The following CSTPP1 variants were observed in gnomAD, a reference collection of about 807,000 sequenced individuals.
CSTPP1 encodes the protein centriolar satellite-associated tubulin polyglutamylase complex regulator 1, also known as UPF0705 protein C11orf49.
At chr11:47,163,042 GCTTGCAC>G in the CSTPP1 span, among the ~76,000 whole-genome samples, 1 of 152,022 alleles carries the variant, frequency 6.6e-6, no homozygotes, top group Non-Finnish European at 1.5e-5. Flanking sequence ...AGGCATGGTA[GCTTGCAC>G]CTGTAGTCCC....
At chr11:47,046,963 C>T in the CSTPP1 span, among the ~76,000 whole-genome samples, 25 of 149,446 alleles carry the variant, frequency 1.7e-4, no homozygotes, top group African/African-American at 5.9e-4. Flanking sequence ...TGCAGTGGCT[C>T]AATCTCAGCT....
the CSTPP1 span, among the ~76,000 whole-genome samples, chr11:47,122,784 G>A: frequency 2.0e-5 from 3 of 152,038 alleles, no homozygotes; most frequent in African/African-American, 7.2e-5. Context: ...TTGCCATGTC[G>A]GCCAGGCTGG....
the CSTPP1 span, among the ~76,000 whole-genome samples, chr11:47,162,971 G>C: frequency 1.3e-5 from 2 of 152,150 alleles, no homozygotes; most frequent in Admixed American, 6.5e-5. Flanking sequence ...CTTGAGCCCA[G>C]GAGTTCAGGA....
chr11:47,160,891 T>G, the CSTPP1 span: 1 of 555,474 alleles, frequency 1.8e-6, no homozygotes, highest in Non-Finnish European at 3.2e-6. Flanking sequence ...TCCTTGGCTG[T>G]GGTGTCTGCC....
At chr11:46,985,873 G>A in the CSTPP1 span, among the ~76,000 whole-genome samples, 1 of 152,258 alleles carries the variant, frequency 6.6e-6, no homozygotes, top group Non-Finnish European at 1.5e-5. Flanking sequence ...ACATAACTAG[G>A]AAGTGGCAGA....
the CSTPP1 span, chr11:47,157,037 G>A: frequency 5.7e-4 from 925 of 1,614,074 alleles, 14 homozygotes; most frequent in South Asian, 9.8e-3. Context: ...CCTGGACAGT[G>A]TGGCTGCCAT....
the CSTPP1 span, among the ~76,000 whole-genome samples, chr11:47,049,385 C>T: frequency 6.6e-6 from 1 of 151,828 alleles, no homozygotes; most frequent in East Asian, 2.0e-4. Flanking sequence ...GCCAGTAATC[C>T]CAACACTTTG....
chr11:47,022,851 C>T, the CSTPP1 span, among the ~76,000 whole-genome samples: 2 of 152,208 alleles, frequency 1.3e-5, no homozygotes, highest in Non-Finnish European at 2.9e-5. Flanking sequence ...ATTATTAACA[C>T]ATTTAACCTT....
chr11:47,153,157 G>C, the CSTPP1 span, among the ~76,000 whole-genome samples: 1 of 152,202 alleles, frequency 6.6e-6, no homozygotes, highest in Non-Finnish European at 1.5e-5. Context: ...TCTGCCATCT[G>C]GGTGGGGAGG....
chr11:46,961,567 T>C, the CSTPP1 span, among the ~76,000 whole-genome samples: 1 of 152,200 alleles, frequency 6.6e-6, no homozygotes, highest in Non-Finnish European at 1.5e-5. Context: ...TGGAGTACAG[T>C]TTTTAATTTT....
At chr11:47,094,001 A>G in the CSTPP1 span, among the ~76,000 whole-genome samples, 2 of 152,260 alleles carry the variant, frequency 1.3e-5, no homozygotes, top group Admixed American at 6.5e-5. Context: ...TTGATGATGT[A>G]GCATGTGACC....
At chr11:47,100,342 A>T in the CSTPP1 span, among the ~76,000 whole-genome samples, 1 of 152,200 alleles carries the variant, frequency 6.6e-6, no homozygotes, top group African/African-American at 2.4e-5. Flanking sequence ...GTTTAGATTG[A>T]TCTGGGGTAC....
the CSTPP1 span, among the ~76,000 whole-genome samples, chr11:47,077,199 T>G: frequency 1.3e-5 from 2 of 149,956 alleles, no homozygotes; most frequent in Non-Finnish European, 3.0e-5. Flanking sequence ...TAAAGTTGTT[T>G]TTTTTTTTTT....
At chr11:47,066,437 G>GGT in the CSTPP1 span, among the ~76,000 whole-genome samples, 3 of 149,224 alleles carry the variant, frequency 2.0e-5, no homozygotes, top group African/African-American at 7.4e-5. Context: ...AGTGAATGTT[G>GGT]GTGTGTGTGT....
the CSTPP1 span, among the ~76,000 whole-genome samples, chr11:47,101,815 G>A: frequency 6.6e-6 from 1 of 152,092 alleles, no homozygotes; most frequent in Non-Finnish European, 1.5e-5. Flanking sequence ...ATTTTTCTTA[G>A]AGGTCCGTGA....
At chr11:46,954,767 C>T in the CSTPP1 span, among the ~76,000 whole-genome samples, 10 of 150,380 alleles carry the variant, frequency 6.6e-5, 1 homozygote, top group Admixed American at 3.3e-4. Context: ...CTTCTCACCC[C>T]GAAGTCTCAC....
chr11:47,080,183 C>T, the CSTPP1 span, among the ~76,000 whole-genome samples: 4 of 152,090 alleles, frequency 2.6e-5, no homozygotes, highest in South Asian at 2.1e-4. Context: ...GGGCCGGGCG[C>T]GGTGGCTCAC....
the CSTPP1 span, chr11:47,160,299 CAAA>C: frequency 0.011 from 1,161 of 102,006 alleles, 16 homozygotes; most frequent in South Asian, 0.06. Context: ...AACTCTGTCT[CAAA>C]AAAAAAAAAA....
At chr11:47,070,327 A>T in the CSTPP1 span, among the ~76,000 whole-genome samples, 1 of 152,114 alleles carries the variant, frequency 6.6e-6, no homozygotes, top group Non-Finnish European at 1.5e-5. Context: ...AATGTTGAAA[A>T]TTTAATATTT....
Sources: allele counts gnomAD v4.1 joint callset (sites outside exome capture counted in the v4.1 genomes callset), GRCh38; gene constraint gnomAD v4.1.1; transcripts MANE v1.5; gene names NCBI Gene and HGNC (gene_info 2026-07-23, HGNC 2026-07-21).